Variants in SLC4A1 observed in about 807,000 individuals in gnomAD.
The protein encoded by SLC4A1 is band 3 anion transport protein.
Under a neutral mutation model 93.1 loss-of-function variants are expected in SLC4A1, and 29 were observed. The ratio of observed to expected loss-of-function variants is 0.31; its 90% CI spans 0.23 to 0.42. The LOEUF (loss-of-function observed/expected upper bound fraction) is 0.42. SLC4A1 is among the 20% of genes least tolerant of loss of function. SLC4A1 has a pLI of 1.00. For synonymous variants in SLC4A1, 469 were observed against 497.2 expected (o/e 0.94, Z 0.76); for missense variants, 965 against 1,190.1 (o/e 0.81, Z 2.78).
intron 9 of SLC4A1, 45 bp downstream of exon 9, chr17:44,259,118 A>G: frequency 6.3e-7 from 1 of 1,599,260 alleles, no homozygotes; most frequent in Non-Finnish European, 8.6e-7. Context: ...GCCACCATGC[A>G]GGTCCCAAGC....
chr17:44,253,562 A>G (rs2047362085), intron 16 of SLC4A1, among the ~76,000 whole-genome samples, 191 bp from the exon 17 acceptor site: 1 of 150,698 alleles, frequency 6.6e-6, no homozygotes, highest in South Asian at 2.1e-4. Context: ...ATGTCTTCAC[A>G]ACATTCAAGG....
rs571092411 is a variant in SLC4A1, at chr17:44,259,149, C to T, written c.876+14G>A. 184 of 1,613,548 alleles carry T rather than the reference C, an allele frequency of 1.1e-4. No homozygotes were observed. The highest frequency in any genetic ancestry group is 1.0e-4 in the Non-Finnish European group (118 of 1,179,896). On this transcript the variant is annotated intron_variant, in intron 9 of 19. Transcript: ENST00000262418. Reference sequence around the variant, plus strand: ...CAAGCTTCCCCAGCCCAGCCCTCTCCGGCCCTTCCTTACCCTCTCTGACAT... The same window carrying T: ...CAAGCTTCCCCAGCCCAGCCCTCTCTGGCCCTTCCTTACCCTCTCTGACAT...
rs1598294632 is a variant in SLC4A1 at position 44,250,324 on chromosome 17, A to G, written c.*134T>C. The G allele has an allele frequency of 4.0e-6, 3 of 757,080 alleles. No individual in the cohort carries two copies. Among genetic ancestry groups the G allele is most frequent in the Non-Finnish European group, 6.9e-6 (3 of 435,180 alleles). The allele number at this position is 757,080 out of a possible 1,614,324, so 46.9% of individuals were successfully genotyped here. ...TCTCCTGGACACGCCTTCCTTCCCC[A>G]CCCACAGCCCTGGGGCCTCAGCTGC... On this transcript the variant is annotated 3_prime_UTR_variant, in exon 20 of 20. Coordinates refer to ENST00000262418, the MANE Select transcript of SLC4A1 (RefSeq NM_000342.4).
chr17:44,260,419 A>G lies in SLC4A1; in HGVS notation c.470T>C (p.Leu157Pro). Reference sequence around the variant, plus strand: ...GCAGGGGCACCTGTGTTTAAGCAGCAGGGCCCGGAGCAGCTCCTCTCGGTC... The same window carrying G: ...GCAGGGGCACCTGTGTTTAAGCAGCGGGGCCCGGAGCAGCTCCTCTCGGTC... The part of the protein sequence containing the change: ...PQDREELLRA[L>P]LLKHSHAGEL... Residue 157 changes from leucine to proline, a missense_variant, in exon 6 of 20, where the codon CTG (leucine) becomes CCG (proline). By Grantham distance (98) the Leu-to-Pro change is moderately conservative. Coordinates refer to ENST00000262418, the MANE Select transcript of SLC4A1 (RefSeq NM_000342.4). 6.2e-7 allele frequency: 1 copy of G among 1,613,102 alleles called. No homozygotes were observed. Among genetic ancestry groups the G allele is most frequent in the Non-Finnish European group, 8.5e-7 (1 of 1,179,674 alleles).
At chr17:44,259,737 C>G in intron 7 of SLC4A1, 72 bp downstream of exon 7, 4 of 1,609,454 alleles carry the variant, frequency 2.5e-6, no homozygotes, top group Non-Finnish European at 3.4e-6. Context: ...TTTTCAGGAC[C>G]CCTGCTGGCG....
chr17:44,261,459 C>T (rs2047443683), intron 4 of SLC4A1, 116 bp downstream of exon 4: 1 of 1,545,016 alleles, frequency 6.5e-7, no homozygotes, highest in Non-Finnish European at 8.9e-7. Flanking sequence ...CCTCTATCTG[C>T]TGCAGGGTCT....
intron 2 of SLC4A1, 46 bp from the exon 3 acceptor site, chr17:44,262,772 C>A (rs773039691): frequency 1.2e-6 from 2 of 1,605,522 alleles, no homozygotes; most frequent in Non-Finnish European, 1.7e-6. Flanking sequence ...GGCTCTTCCA[C>A]CCCCAACGAA....
rs769627796 is a variant in SLC4A1, at chr17:44,258,667, G to A, written c.877-44C>T. On this transcript the variant is annotated intron_variant, in intron 9 of 19. Transcript: ENST00000262418. This position sits in a 1 kb window ranked among gnomAD's most constrained non-coding sequence, Gnocchi z 6.1. Reference sequence around the variant, plus strand: ...GTCAGAGCTGCCCGGACCTGCGGAGGGAAAGGACCCAGGAGTCCACAGCCA... The same window carrying A: ...GTCAGAGCTGCCCGGACCTGCGGAGAGAAAGGACCCAGGAGTCCACAGCCA... 14 of 1,544,248 alleles carry A rather than the reference G, an allele frequency of 9.1e-6. No individual in the cohort carries two copies. The highest frequency in any genetic ancestry group is 1.2e-5 in the Non-Finnish European group (14 of 1,141,780).
intron 7 of SLC4A1, 47 bp from the exon 8 acceptor site, chr17:44,259,628 TG>T (rs780829692): frequency 6.5e-6 from 10 of 1,541,708 alleles, no homozygotes; most frequent in Non-Finnish European, 8.1e-6. Context: ...CAGTCTGACC[TG>T]GGAGACCTGA....
In SLC4A1 at chr17:44,255,219, A is replaced by G. The variant is rs5020; in HGVS notation, c.1878T>C (p.Asp626=). 2.4e-3 allele frequency: 3,808 copies of G among 1,555,714 alleles called. 62 individuals are homozygous for G. The African/African-American group carries it at 0.043, about 17-fold the overall frequency. ...IMVLVDFFIQ[D]TYTQKLSVPD... ...GAGGAGGGGTCACCTGGGTGTAGGTATCCTGAATGAAGAAATCCACCAGGA... is the reference window on the plus strand; with the variant it reads ...GAGGAGGGGTCACCTGGGTGTAGGTGTCCTGAATGAAGAAATCCACCAGGA... The change falls in exon 15 of 20, where the codon GAT becomes GAC. Residue 626 remains aspartate, a synonymous_variant. Coordinates refer to ENST00000262418, the MANE Select transcript of SLC4A1 (RefSeq NM_000342.4).
chr17:44,253,970 C>CGTTT, intron 16 of SLC4A1, among the ~76,000 whole-genome samples: 2 of 87,068 alleles, frequency 2.3e-5, no homozygotes, highest in East Asian at 5.0e-4. Context: ...TCACCTGGCG[C>CGTTT]TTTTTTTTTT....
chr17:44,259,701 C>A, intron 7 of SLC4A1, 108 bp downstream of exon 7: 2 of 1,565,978 alleles, frequency 1.3e-6, no homozygotes, highest in Admixed American at 1.7e-5. Context: ...CACAGGAGTG[C>A]TTCTGGTCCC....
intron 17 of SLC4A1, 108 bp from the exon 18 acceptor site, chr17:44,251,696 C>A (rs2047341748): frequency 1.3e-6 from 1 of 788,494 alleles, no homozygotes; most frequent in South Asian, 1.7e-5. Flanking sequence ...CCATATGGAG[C>A]CATTTCTTTT....
intron 1 of SLC4A1, among the ~76,000 whole-genome samples, chr17:44,263,189 A>G (rs1215083834): frequency 1.3e-5 from 2 of 152,094 alleles, no homozygotes; most frequent in Non-Finnish European, 2.9e-5. Context: ...TTTGGGGAAG[A>G]TGGGCAGGTC....
In SLC4A1 at chr17:44,261,374, G is replaced by T. The variant is rs766363839; in HGVS notation, c.168+201C>A. On this transcript the variant is annotated intron_variant, in intron 4 of 19. Coordinates refer to ENST00000262418, the MANE Select transcript of SLC4A1 (RefSeq NM_000342.4). ...TTGTCAATCAGGTTATCTCTGCCCA[G>T]GGTGCTCCTGGAAAGGGGCCCAGGC... Among the ~76,000 whole-genome samples, 111 of 152,156 alleles carry T rather than the reference G, an allele frequency of 7.3e-4. 1 individual carries two copies. Among genetic ancestry groups the T allele is most frequent in the Non-Finnish European group, 3.7e-4 (25 of 68,040 alleles).
chr17:44,252,872 G>A (rs887736942), intron 17 of SLC4A1, among the ~76,000 whole-genome samples: 18 of 152,162 alleles, frequency 1.2e-4, no homozygotes, highest in Admixed American at 1.2e-3. Flanking sequence ...GTCAGAAGGT[G>A]GGGTCTGGTC....
chr17:44,257,292 A>G, intron 13 of SLC4A1, 58 bp downstream of exon 13: 2 of 1,550,612 alleles, frequency 1.3e-6, no homozygotes, highest in Non-Finnish European at 1.8e-6. Flanking sequence ...GCACCCGGCC[A>G]CTGTCTCAGT....
chr17:44,267,960 G>C, intron 1 of SLC4A1, 94 bp downstream of exon 1: 1 of 619,346 alleles, frequency 1.6e-6, no homozygotes, highest in East Asian at 1.4e-4. Context: ...TCAGGAGCCT[G>C]GCCCACCTGG....
In SLC4A1 at chr17:44,250,346, C is replaced by G. The variant is rs544701285; in HGVS notation, c.*112G>C. On this transcript the variant is annotated 3_prime_UTR_variant, in exon 20 of 20. Coordinates refer to ENST00000262418, the MANE Select transcript of SLC4A1 (RefSeq NM_000342.4). ...CCCACCCACAGCCCTGGGGCCTCAG[C>G]TGCTGCTCCAGGAGGATCCTGGAGT... 2.2e-6 allele frequency: 2 copies of G among 894,980 alleles called. No homozygotes were observed. The highest frequency in any genetic ancestry group is 1.6e-5 in the African/African-American group (1 of 61,342). 55.4% of individuals were successfully genotyped at this position (894,980 alleles called of 1,614,324 possible).
Sources: gnomAD v4.1 joint callset for allele counts (sites outside exome capture counted in the v4.1 genomes callset) on GRCh38, gnomAD v4.1.1 for gene constraint, Gnocchi (gnomAD v3.1) non-coding constraint, MANE v1.5 for transcripts, NCBI Gene and HGNC (gene_info 2026-07-23, HGNC 2026-07-21) for gene names.